Variants in FABP6 observed in about 807,000 individuals in gnomAD.
FABP6 encodes the protein fatty acid binding protein 6.
In FABP6, 13 loss-of-function variants were observed where a neutral mutation model predicts 14.9. The ratio of observed to expected loss-of-function variants is 0.87; its 90% CI spans 0.57 to 1.39. The LOEUF is 1.39. FABP6 is among the 40% of genes most tolerant of loss of function. The pLI, the probability that FABP6 is intolerant of heterozygous loss-of-function variation, is 0.00. For synonymous variants in FABP6, 75 were observed against 63.6 expected, an observed-to-expected ratio of 1.18 and a Z score of -0.85; for missense variants, 161 against 167.2, an observed-to-expected ratio of 0.96 and a Z score of 0.20.
At chr5:160,222,098 T>TTC (rs1197425550) in intron 3 of FABP6, among the ~76,000 whole-genome samples, 7 of 148,192 alleles carry the variant, frequency 4.7e-5, no homozygotes, top group South Asian at 2.1e-4. Flanking sequence ...TTCTTTTCTT[T>TTC]TTTTTTTTTT....
rs989977585 is a variant in FABP6 at position 160,237,978 on chromosome 5, G to A, written c.334-628G>A. Among the ~76,000 whole-genome samples the A allele has an allele frequency of 9.9e-5, 15 of 152,090 alleles. No individual in the cohort carries two copies. The East Asian group carries it at 1.2e-3, about 12-fold the overall frequency. ...TCCCACAGCTCTCTGTTTGCTACCC[G>A]CCCTTCTCATGGAAATGCTGCTTTC... On this transcript the variant is annotated intron_variant, in intron 3 of 3. Transcript: ENST00000402432.
chr5:160,234,266 A>G lies in FABP6; in HGVS notation c.244-554A>G, dbSNP rs531232045. On this transcript the variant is annotated intron_variant, in intron 2 of 3. Transcript: ENST00000402432. ...ACCCGCTTCAGCACACAGCATAAGC[A>G]ACAGTCTATAAACTCTCCAGCAAGA... Among the ~76,000 whole-genome samples, 63 of 152,220 alleles carry G rather than the reference A, an allele frequency of 4.1e-4. No homozygotes were observed. The Middle Eastern group carries it at 0.01, about 25-fold the overall frequency.
chr5:160,210,546 G>A (rs1157419471), intron 2 of FABP6, among the ~76,000 whole-genome samples: 1 of 152,158 alleles, frequency 6.6e-6, no homozygotes, highest in East Asian at 1.9e-4. Context: ...GAACACAGGG[G>A]CAGCCTGCAC....
rs747162418 is a variant in FABP6, at chr5:160,229,576, T to C, written c.19T>C (p.Phe7Leu). 6.2e-6 allele frequency: 10 copies of C among 1,613,932 alleles called. No individual in the cohort carries two copies. Among genetic ancestry groups the C allele is most frequent in the East Asian group, 4.5e-5 (2 of 44,878 alleles). ...CAGCAGCATGGCTTTCACCGGCAAG[T>C]TCGAGATGGAGAGTGAGAAGAATTA... MAFTGK[F>L]EMESEKNYDE... is the part of the protein sequence containing the mutation. The change falls in exon 1 of 4, where the codon TTC (phenylalanine) becomes CTC (leucine). Residue 7 changes from phenylalanine (F) to leucine (L), a missense_variant. Physicochemically the swap from Phe to Leu is conservative, Grantham distance 22 (BLOSUM62 0). Transcript: ENST00000402432.
At chr5:160,224,800 G>GAA (rs1554113980), upstream of FABP6, among the ~76,000 whole-genome samples, 4 of 81,604 alleles carry the variant, frequency 4.9e-5, no homozygotes, top group African/African-American at 1.8e-4. Flanking sequence ...TTTTTTTTGA[G>GAA]ACAGTCTTAC....
intron 2 of FABP6, among the ~76,000 whole-genome samples, chr5:160,206,409 C>G (rs1183765413): frequency 1.3e-5 from 2 of 152,150 alleles, no homozygotes; most frequent in Non-Finnish European, 2.9e-5. Flanking sequence ...GCCTGGGCGA[C>G]AGAGCAAGAC....
At chr5:160,188,952 C>G (rs1232112396) in intron 1 of FABP6, among the ~76,000 whole-genome samples, 1 of 152,224 alleles carries the variant, frequency 6.6e-6, no homozygotes, top group African/African-American at 2.4e-5. Context: ...TGATTTACAG[C>G]AGGGCTCTGC....
intron 1 of FABP6, chr5:160,197,557 C>T (rs1158899761): frequency 6.6e-6 from 1 of 152,256 alleles, no homozygotes; most frequent in Non-Finnish European, 1.5e-5. Flanking sequence ...CCTTCCAGCT[C>T]TGCCGGCAGA....
chr5:160,195,053 G>C (rs894649620), intron 1 of FABP6, among the ~76,000 whole-genome samples: 4 of 152,162 alleles, frequency 2.6e-5, no homozygotes, highest in Non-Finnish European at 5.9e-5. Flanking sequence ...GGGAAGCCAA[G>C]GCAGGTGGAT....
At chr5:160,211,559 T>C (rs1267738925) in intron 2 of FABP6, among the ~76,000 whole-genome samples, 1 of 152,188 alleles carries the variant, frequency 6.6e-6, no homozygotes, top group Admixed American at 6.5e-5. Flanking sequence ...CTGTCCAAGC[T>C]GGGACTTTGA....
upstream of FABP6, chr5:160,228,833 C>G (rs1469390910): frequency 3.6e-6 from 1 of 281,434 alleles, no homozygotes; most frequent in East Asian, 8.0e-5. Flanking sequence ...CCATCTTCGT[C>G]ACACTGTTCC....
In FABP6 at chr5:160,219,961, C is replaced by G. The variant is rs142184859; in HGVS notation, c.135+6142C>G. ...CATCCCCAGTAGCGTATGAACACAG[C>G]CTTACAGCCTATTCCACATAGATCT... On this transcript the variant is annotated intron_variant, in intron 3 of 6. Transcript: ENST00000393980. 4.3e-3 allele frequency among the ~76,000 whole-genome samples: 649 copies of G among 152,218 alleles called. 1 individual carries two copies. Among genetic ancestry groups the G allele is most frequent in the Non-Finnish European group, 4.7e-3 (323 of 68,020 alleles).
chr5:160,195,005 C>A (rs1759481573), intron 1 of FABP6, among the ~76,000 whole-genome samples: 1 of 152,192 alleles, frequency 6.6e-6, no homozygotes, highest in Non-Finnish European at 1.5e-5. Flanking sequence ...TCCTTCCTGG[C>A]TGGGTGCAGT....
chr5:160,217,898 C>T (rs533682278), intron 3 of FABP6, among the ~76,000 whole-genome samples: 46 of 152,252 alleles, frequency 3.0e-4, no homozygotes, highest in African/African-American at 9.6e-4. Context: ...CCACCTCAGG[C>T]TCCCAAAGAG....
intron 1 of FABP6, among the ~76,000 whole-genome samples, chr5:160,231,391 T>A (rs529378797): frequency 2.2e-4 from 33 of 152,292 alleles, no homozygotes; most frequent in Non-Finnish European, 4.4e-4. Context: ...GAAGACACAG[T>A]CTTTCTCTGG....
chr5:160,232,529 T>G (rs1760412926), intron 2 of FABP6, among the ~76,000 whole-genome samples: 1 of 152,218 alleles, frequency 6.6e-6, no homozygotes, highest in Non-Finnish European at 1.5e-5. Context: ...TTTTTCCATC[T>G]TAATGCAGTT....
chr5:160,217,211 G>A (rs1424268960), intron 3 of FABP6, among the ~76,000 whole-genome samples: 1 of 152,172 alleles, frequency 6.6e-6, no homozygotes, highest in African/African-American at 2.4e-5. Flanking sequence ...GGCAGAACAG[G>A]ACTTTTGGAT....
intron 2 of FABP6, among the ~76,000 whole-genome samples, chr5:160,203,565 GT>G (rs1232819085): frequency 2.0e-5 from 3 of 152,032 alleles, no homozygotes; most frequent in African/African-American, 7.2e-5. Flanking sequence ...GTCTTGCAAT[GT>G]TGCCCAGACT....
rs1638874309 is a variant in FABP6 at position 160,199,019 on chromosome 5, C to T, written c.-58-30C>T. On this transcript the variant is annotated intron_variant, in intron 1 of 6. Coordinates refer to the FABP6 transcript ENST00000393980. ...AATGAGATGGTCTCCAGAGCCCCTC[C>T]CAGCGTGCTGGCTTTTTGTGTCATT... 13 of 1,385,692 alleles carry T rather than the reference C, an allele frequency of 9.4e-6. No individual in the cohort carries two copies. In the South Asian group the frequency reaches 1.5e-4, roughly 16 times the overall value. The allele number at this position is 1,385,692 out of a possible 1,614,324, so 85.8% of individuals were successfully genotyped here.
Sources: gnomAD v4.1 joint callset for allele counts (sites outside exome capture counted in the v4.1 genomes callset) on GRCh38, gnomAD v4.1.1 for gene constraint, MANE v1.5 for transcripts, NCBI Gene and HGNC (gene_info 2026-07-23, HGNC 2026-07-21) for gene names.